The following LRP2 variants were observed in gnomAD, a reference collection of about 807,000 sequenced individuals.
LRP2 encodes LDL receptor related protein 2, also known as low-density lipoprotein receptor-related protein 2.
In LRP2, 172 loss-of-function variants were observed where a neutral mutation model predicts 531.0. The observed-to-expected ratio is 0.32, with a 90% confidence interval of 0.29 to 0.37. The LOEUF (loss-of-function observed/expected upper bound fraction) is 0.37, where lower values mean the gene tolerates loss of function less well. LRP2 is among the 10% of genes least tolerant of loss of function. The probability of loss-of-function intolerance (pLI) is 1.00; values close to 1 mark genes in which losing one functional copy is unlikely to be tolerated. For synonymous variants in LRP2, 1,992 were observed against 2,027.6 expected, an observed-to-expected ratio of 0.98 and a Z score of 0.47; for missense variants, 5,167 against 5,868.3, an observed-to-expected ratio of 0.88 and a Z score of 3.90.
In LRP2 at chr2:169,207,096, G is replaced by C; in HGVS notation, c.6624C>G (p.Asp2208Glu). ...DPKNRYLFWA[D>E]YGQRPKIERS... ...GCTCAATCTTTGGTCTCTGCCCATAGTCAGCCCAGAAGAGGTATCTGTTCT... is the reference window on the plus strand; with the variant it reads ...GCTCAATCTTTGGTCTCTGCCCATACTCAGCCCAGAAGAGGTATCTGTTCT... The change falls in exon 39 of 79, where the codon GAC becomes GAG. Residue 2208 changes from aspartate (D) to glutamate (E), a missense_variant. This residue lies in a region of LRP2 where 2,811 missense variants were observed against 3,058.0 expected (regional missense o/e 0.92). Coordinates refer to ENST00000649046, the MANE Select transcript of LRP2 (RefSeq NM_004525.3). The C allele has an allele frequency of 6.2e-7, 1 of 1,613,120 alleles. No individual in the cohort carries two copies. Among genetic ancestry groups the C allele is most frequent in the South Asian group, 1.1e-5 (1 of 90,948 alleles).
At chr2:169,226,823 C>T (rs774609139) in intron 31 of LRP2, among the ~76,000 whole-genome samples, 1 of 152,124 alleles carries the variant, frequency 6.6e-6, no homozygotes, top group African/African-American at 2.4e-5. Context: ...TTTTTCAAGG[C>T]AGGTTGGTAT....
chr2:169,262,435 T>G (rs1292601282), intron 16 of LRP2, among the ~76,000 whole-genome samples: 2 of 108,472 alleles, frequency 1.8e-5, no homozygotes, highest in African/African-American at 3.1e-5. Flanking sequence ...ATCACAAGCA[T>G]TCTTATACAC....
intron 3 of LRP2, among the ~76,000 whole-genome samples, chr2:169,313,127 G>A (rs528891494): frequency 1.3e-5 from 2 of 152,172 alleles, no homozygotes; most frequent in East Asian, 1.9e-4. Context: ...AAGATTTTTA[G>A]CTTCTTTGCG....
At chr2:169,288,637 C>T (rs570007799) in intron 9 of LRP2, among the ~76,000 whole-genome samples, 349 of 152,234 alleles carry the variant, frequency 2.3e-3, no homozygotes, top group Non-Finnish European at 4.3e-3. Flanking sequence ...AGCAAGGTAG[C>T]GGTGCTTGCT....
chr2:169,261,428 T>G (rs1389147625), intron 16 of LRP2, among the ~76,000 whole-genome samples: 1 of 151,702 alleles, frequency 6.6e-6, no homozygotes, highest in Non-Finnish European at 1.5e-5. Flanking sequence ...TGACCTCAAG[T>G]GATCCTCCCA....
chr2:169,134,899 G>A (rs1685440721), intron 76 of LRP2, among the ~76,000 whole-genome samples: 1 of 152,172 alleles, frequency 6.6e-6, no homozygotes, highest in African/African-American at 2.4e-5. Flanking sequence ...TCAGGACAAT[G>A]CTTATGCTGA....
chr2:169,203,080 A>C, intron 42 of LRP2, 121 bp from the exon 43 acceptor site: 1 of 770,644 alleles, frequency 1.3e-6, no homozygotes, highest in Non-Finnish European at 2.2e-6. Flanking sequence ...GCGCCATGGA[A>C]GTTCTGCCCA....
chr2:169,326,873 G>A (rs904291950), intron 1 of LRP2, among the ~76,000 whole-genome samples: 8 of 149,622 alleles, frequency 5.3e-5, no homozygotes, highest in African/African-American at 2.0e-4. Flanking sequence ...CCGCCGCCCC[G>A]TCTGGGATGT....
Position 169,289,031 on chromosome 2 carries a change from C to G in LRP2, c.1037G>C (p.Cys346Ser). The change falls in exon 9 of 79, where the codon TGT becomes TCT. Residue 346 changes from cysteine (C) to serine (S), a missense_variant. Cys to Ser is a moderately radical substitution (Grantham distance 112). Coordinates refer to ENST00000649046, the MANE Select transcript of LRP2 (RefSeq NM_004525.3). ...CGCCGCCCCCCATCACTTACCAACA[C>G]AGGTACGGCTGTCATTGTGGTTGAT... Reference protein sequence around the residue: ...YIINHNDSRTCVEFDDCQIWG... With the variant: ...YIINHNDSRTSVEFDDCQIWG... 1 of 1,614,036 alleles carries G rather than the reference C, an allele frequency of 6.2e-7. No individual in the cohort carries two copies. Among genetic ancestry groups the G allele is most frequent in the Non-Finnish European group, 8.5e-7 (1 of 1,179,934 alleles).
intron 1 of LRP2, among the ~76,000 whole-genome samples, chr2:169,358,318 C>T (rs1186167139): frequency 1.5e-4 from 23 of 152,136 alleles, no homozygotes; most frequent in Non-Finnish European, 3.4e-4. Flanking sequence ...CCTCTCAGCC[C>T]CTTTCTTCTC....
chr2:169,142,445 C>T (rs914683533), intron 71 of LRP2, among the ~76,000 whole-genome samples: 1 of 152,192 alleles, frequency 6.6e-6, no homozygotes, highest in Non-Finnish European at 1.5e-5. Flanking sequence ...GACACTGGAT[C>T]TATATTTCTG....
At chr2:169,336,383 C>CA (rs1204646900) in intron 1 of LRP2, among the ~76,000 whole-genome samples, 18 of 151,100 alleles carry the variant, frequency 1.2e-4, no homozygotes, top group Non-Finnish European at 2.2e-4. Context: ...ACTGAAAATA[C>CA]AAAAAAATTA....
In LRP2 at chr2:169,202,796, G is replaced by A. The variant is rs200369596; in HGVS notation, c.8169C>T (p.Asn2723=). The A allele has an allele frequency of 1.4e-4, 221 of 1,614,080 alleles. No individual in the cohort carries two copies. In the Middle Eastern group the frequency reaches 3.3e-3, roughly 24 times the overall value. The part of the protein sequence containing the change: ...ISEEWKCDND[N]DCGDGSDEME... The stretch of plus-strand genomic sequence containing the variant: ...TCTCATCACTGCCATCCCCACAGTC[G>A]TTGTCATTATCACACTTCCACTCTT... Residue 2723 remains asparagine (N), a synonymous_variant, in exon 43 of 79, where the codon AAC becomes AAT. Transcript: ENST00000649046.
At chr2:169,293,918 C>T (rs1172394083) in intron 6 of LRP2, among the ~76,000 whole-genome samples, 1 of 151,502 alleles carries the variant, frequency 6.6e-6, no homozygotes, top group Non-Finnish European at 1.5e-5. Context: ...CAGCCCTTTA[C>T]ATCTACACAG....
At chr2:169,356,421 G>A (rs1685988216) in intron 1 of LRP2, among the ~76,000 whole-genome samples, 1 of 152,118 alleles carries the variant, frequency 6.6e-6, no homozygotes, top group African/African-American at 2.4e-5. Flanking sequence ...TTCTCGTATT[G>A]GGTAATAATG....
Position 169,137,383 on chromosome 2 carries a change from G to A in LRP2, c.13620+9C>T, listed in dbSNP as rs369898905. 9.4e-6 allele frequency: 15 copies of A among 1,588,222 alleles called. No homozygotes were observed. The African/African-American group carries it at 1.9e-4, about 20-fold the overall frequency. On this transcript the variant is annotated intron_variant, in intron 76 of 78. Transcript: ENST00000649046. ...AGTAACTGAAAGAAAAGACTGTATG[G>A]TTTCTCACCTGGATTGGCTGAACCA...
At chr2:169,326,625 G>C (rs1443850827) in intron 1 of LRP2, among the ~76,000 whole-genome samples, 1 of 152,146 alleles carries the variant, frequency 6.6e-6, no homozygotes, top group Non-Finnish European at 1.5e-5. Flanking sequence ...TGCAGCCTCT[G>C]CCCGGCCACC....
rs142449454 is a variant in LRP2, at chr2:169,162,952, A to C, written c.11759-352T>G. ...CTTTATGAGTGCTCAATAAGGCTTC[A>C]TTATGTTACACCCCTGAGATTTCAG... On this transcript the variant is annotated intron_variant, in intron 62 of 78. Coordinates refer to ENST00000649046, the MANE Select transcript of LRP2 (RefSeq NM_004525.3). 1.7e-4 allele frequency among the ~76,000 whole-genome samples: 26 copies of C among 152,394 alleles called. No homozygotes were observed. In the East Asian group the frequency reaches 5.0e-3, roughly 29 times the overall value.
chr2:169,176,689 GT>G, intron 53 of LRP2, 101 bp from the exon 54 acceptor site: 2 of 985,372 alleles, frequency 2.0e-6, no homozygotes, highest in Admixed American at 2.0e-5. Flanking sequence ...TCACCTCTTA[GT>G]AAAAAAAAAA....
Sources: gnomAD v4.1 joint callset for allele counts (sites outside exome capture counted in the v4.1 genomes callset) on GRCh38, gnomAD v4.1.1 for gene constraint, gnomAD v4.1.1 regional missense constraint, MANE v1.5 for transcripts, NCBI Gene and HGNC (gene_info 2026-07-23, HGNC 2026-07-21) for gene names.